Variants in PCP4 observed in about 807,000 individuals in gnomAD.
PCP4 encodes the protein Purkinje cell protein 4.
PCP4 carries 8 observed loss-of-function variants against 10.0 expected under a neutral mutation model. That is an observed-to-expected ratio of 0.80 (90% CI 0.47 to 1.45). The LOEUF (loss-of-function observed/expected upper bound fraction) is 1.45, where lower values mean the gene tolerates loss of function less well. Among genes scored for constraint, PCP4 ranks in the 40% most tolerant of loss-of-function variants. The pLI, the probability that PCP4 is intolerant of heterozygous loss-of-function variation, is 0.00. For missense variants in PCP4, 54 were observed against 74.4 expected, an observed-to-expected ratio of 0.73 and a Z score of 1.01; for synonymous variants, 21 against 23.0, an observed-to-expected ratio of 0.91 and a Z score of 0.24.
chr21:39,901,700 A>G (rs1251761515), intron 2 of PCP4, among the ~76,000 whole-genome samples: 1 of 152,226 alleles, frequency 6.6e-6, no homozygotes, highest in Non-Finnish European at 1.5e-5. Context: ...AATGATAGTC[A>G]CTTTTGGGTA....
chr21:39,902,439 C>A (rs1041985569), intron 2 of PCP4, among the ~76,000 whole-genome samples: 1 of 152,190 alleles, frequency 6.6e-6, no homozygotes, highest in East Asian at 1.9e-4. Context: ...TATTTAGATT[C>A]CTGGGCTTTG....
chr21:39,877,551 G>A (rs2087352174), intron 1 of PCP4, among the ~76,000 whole-genome samples: 1 of 151,284 alleles, frequency 6.6e-6, no homozygotes, highest in Non-Finnish European at 1.5e-5. Context: ...AAAAAAATTA[G>A]CCGGGTGTGG....
chr21:39,898,853 G>A (rs1398854781), intron 2 of PCP4, among the ~76,000 whole-genome samples: 1 of 152,194 alleles, frequency 6.6e-6, no homozygotes, highest in Non-Finnish European at 1.5e-5. Flanking sequence ...AGGATAAAAT[G>A]AGATCAAACG....
chr21:39,883,636 C>T (rs1488067289), intron 1 of PCP4: 3 of 152,136 alleles, frequency 2.0e-5, no homozygotes, highest in Admixed American at 6.5e-5. Context: ...ATGTGAGGTA[C>T]ATATTTTCTG....
intron 1 of PCP4, among the ~76,000 whole-genome samples, chr21:39,871,644 A>C (rs1301532802): frequency 6.6e-6 from 1 of 152,158 alleles, no homozygotes; most frequent in African/African-American, 2.4e-5. Flanking sequence ...CCACATAGTC[A>C]CCAGTTACAA....
At chr21:39,882,423 AC>A (rs1198652008) in intron 1 of PCP4, among the ~76,000 whole-genome samples, 30 of 152,152 alleles carry the variant, frequency 2.0e-4, no homozygotes, top group Admixed American at 1.8e-3. Context: ...ATCTGAGTAC[AC>A]CCGGCATGGC....
chr21:39,877,946 A>G (rs1568849974), intron 1 of PCP4, among the ~76,000 whole-genome samples: 1 of 152,182 alleles, frequency 6.6e-6, no homozygotes, highest in Non-Finnish European at 1.5e-5. Context: ...CATTGCATAT[A>G]TAATCAGTCA....
intron 2 of PCP4, among the ~76,000 whole-genome samples, chr21:39,922,871 C>T (rs1001557126): frequency 6.6e-5 from 10 of 152,182 alleles, no homozygotes; most frequent in Non-Finnish European, 5.9e-5. Flanking sequence ...GTCTGAAGGC[C>T]TTGTGAGGGA....
intron 2 of PCP4, among the ~76,000 whole-genome samples, chr21:39,899,897 G>A (rs576418377): frequency 7.9e-5 from 12 of 152,260 alleles, no homozygotes; most frequent in South Asian, 6.2e-4. Flanking sequence ...AGCATAGGGC[G>A]CTGTGAGCCT....
At chr21:39,903,386 A>T (rs966536050) in intron 2 of PCP4, among the ~76,000 whole-genome samples, 2 of 150,092 alleles carry the variant, frequency 1.3e-5, no homozygotes, top group African/African-American at 5.0e-5. Context: ...GCTGTAGGTA[A>T]ATGCTACAGA....
At chr21:39,895,580 G>A (rs1196029568) in intron 1 of PCP4, among the ~76,000 whole-genome samples, 1 of 152,264 alleles carries the variant, frequency 6.6e-6, no homozygotes, top group Non-Finnish European at 1.5e-5. Flanking sequence ...TTCTGCCTCT[G>A]CCTCTTCCCC....
chr21:39,867,647 T>C (rs1405865290), intron 1 of PCP4, 137 bp downstream of exon 1: 1 of 896,504 alleles, frequency 1.1e-6, no homozygotes, highest in African/African-American at 1.6e-5. Flanking sequence ...CTTGGAGAAC[T>C]GACAGGATTA....
chr21:39,897,843 G>A (rs1273186922), intron 1 of PCP4, among the ~76,000 whole-genome samples: 2 of 151,924 alleles, frequency 1.3e-5, no homozygotes, highest in Non-Finnish European at 1.5e-5. Flanking sequence ...TCAGGAGATC[G>A]AGACCATCCT....
chr21:39,894,157 C>A (rs138392734), intron 1 of PCP4, among the ~76,000 whole-genome samples: 1 of 152,162 alleles, frequency 6.6e-6, no homozygotes, highest in Non-Finnish European at 1.5e-5. Flanking sequence ...CTGCAAGACT[C>A]ATGGTGGCAT....
intron 2 of PCP4, among the ~76,000 whole-genome samples, chr21:39,901,127 A>G (rs1272029247): frequency 2.6e-5 from 4 of 152,192 alleles, no homozygotes; most frequent in Non-Finnish European, 5.9e-5. Context: ...TCAATCTGTT[A>G]TATCATGTGA....
chr21:39,905,892 C>CA (rs2087505370), intron 2 of PCP4, among the ~76,000 whole-genome samples: 1 of 152,096 alleles, frequency 6.6e-6, no homozygotes, highest in South Asian at 2.1e-4. Flanking sequence ...ACTAAAAATA[C>CA]AAAAAATTAG....
chr21:39,873,435 T>G (rs1273956874), intron 1 of PCP4, among the ~76,000 whole-genome samples: 1 of 152,178 alleles, frequency 6.6e-6, no homozygotes, highest in Non-Finnish European at 1.5e-5. Flanking sequence ...AATTGATATT[T>G]GAATATTTAA....
intron 2 of PCP4, among the ~76,000 whole-genome samples, chr21:39,898,750 G>A (rs909435521): frequency 9.9e-5 from 15 of 152,158 alleles, no homozygotes; most frequent in African/African-American, 3.6e-4. Context: ...TTCCATAGGA[G>A]GACTCCCATT....
Position 39,873,877 on chromosome 21 carries a change from A to G in PCP4, c.9+6367A>G, listed in dbSNP as rs757114709. On this transcript the variant is annotated intron_variant, in intron 1 of 2. Transcript: ENST00000328619. ...ATTCCAGGCATGGGTCTGCTTGTAT[A>G]TTGTTTATGCCTCACAAAGAGCTCT... Among the ~76,000 whole-genome samples, 74 of 152,188 alleles carry G rather than the reference A, an allele frequency of 4.9e-4. 1 individual carries two copies. Among genetic ancestry groups the G allele is most frequent in the Non-Finnish European group, 1.5e-4 (10 of 68,038 alleles).
Sources: gnomAD v4.1 joint callset for allele counts (sites outside exome capture counted in the v4.1 genomes callset) on GRCh38, gnomAD v4.1.1 for gene constraint, MANE v1.5 for transcripts, NCBI Gene and HGNC (gene_info 2026-07-23, HGNC 2026-07-21) for gene names.